The following SLC41A2 variants were observed in gnomAD, a reference collection of about 807,000 sequenced individuals.
SLC41A2 encodes solute carrier family 41 member 2, also known as SLC41A1-like 1.
A neutral mutation model predicts 58.3 loss-of-function variants in SLC41A2; 32 were observed. That is an observed-to-expected ratio of 0.55 (90% CI 0.41 to 0.74). The LOEUF (loss-of-function observed/expected upper bound fraction) is 0.74, where lower values mean the gene tolerates loss of function less well. Ranked by LOEUF, SLC41A2 falls within the 30% of genes least tolerant of loss-of-function variation. SLC41A2 has a pLI of 0.00. For missense variants in SLC41A2, 514 were observed against 680.6 expected (o/e 0.76, Z 2.72); for synonymous variants, 190 against 235.0 (o/e 0.81, Z 1.75).
chr12:104,851,443 G>A (rs2042794817), intron 8 of SLC41A2, among the ~76,000 whole-genome samples: 1 of 152,006 alleles, frequency 6.6e-6, no homozygotes, highest in Non-Finnish European at 1.5e-5. Context: ...GAGTGCAGTT[G>A]CGTCATTGTG....
At chr12:104,831,355 G>A (rs2042029401) in intron 10 of SLC41A2, among the ~76,000 whole-genome samples, 2 of 152,076 alleles carry the variant, frequency 1.3e-5, no homozygotes, top group Non-Finnish European at 2.9e-5. Context: ...GGGATTACAG[G>A]CATGAGCCAC....
chr12:104,840,753 A>T (rs2042382281), intron 10 of SLC41A2, among the ~76,000 whole-genome samples: 1 of 152,194 alleles, frequency 6.6e-6, no homozygotes, highest in South Asian at 2.1e-4. Context: ...CACATAACAA[A>T]TACCACCAAA....
intron 8 of SLC41A2, among the ~76,000 whole-genome samples, chr12:104,856,563 T>C (rs2043026729): frequency 6.6e-6 from 1 of 151,978 alleles, no homozygotes; most frequent in Non-Finnish European, 1.5e-5. Context: ...ATAAAAAACT[T>C]GTGCACATTT....
intron 6 of SLC41A2, among the ~76,000 whole-genome samples, chr12:104,878,566 G>A (rs1002438882): frequency 6.6e-6 from 1 of 151,280 alleles, no homozygotes; most frequent in East Asian, 2.0e-4. Flanking sequence ...TGCAGTGTTT[G>A]GTTTTCTGTC....
At chr12:104,897,912 T>C (rs942460210) in intron 3 of SLC41A2, among the ~76,000 whole-genome samples, 5 of 152,182 alleles carry the variant, frequency 3.3e-5, no homozygotes, top group African/African-American at 4.8e-5. Context: ...ATATGAGCCA[T>C]CTAAGTTTTT....
intron 10 of SLC41A2, among the ~76,000 whole-genome samples, chr12:104,822,170 A>C (rs2041664594): frequency 6.6e-6 from 1 of 152,238 alleles, no homozygotes; most frequent in Non-Finnish European, 1.5e-5. Flanking sequence ...ATATATAAAT[A>C]ACTAAAATAA....
intron 10 of SLC41A2, among the ~76,000 whole-genome samples, chr12:104,824,908 G>A (rs560444753): frequency 6.6e-6 from 1 of 152,142 alleles, no homozygotes; most frequent in Non-Finnish European, 1.5e-5. Context: ...TGAAACTGTC[G>A]GGTCTGCCTC....
intron 10 of SLC41A2, chr12:104,834,134 T>G (rs2042131364): frequency 1.0e-6 from 1 of 983,482 alleles, no homozygotes; most frequent in Non-Finnish European, 1.2e-6. Context: ...AAGCAGACAG[T>G]CATTTCATCT....
intron 6 of SLC41A2, among the ~76,000 whole-genome samples, chr12:104,878,478 A>T (rs541805689): frequency 1.3e-4 from 12 of 92,048 alleles, no homozygotes; most frequent in Non-Finnish European, 2.2e-4. Flanking sequence ...CCACCCCACC[A>T]CAGGCCCTGG....
At chr12:104,902,838 C>T (rs544488879) in intron 3 of SLC41A2, among the ~76,000 whole-genome samples, 3 of 152,150 alleles carry the variant, frequency 2.0e-5, no homozygotes, top group South Asian at 2.1e-4. Flanking sequence ...CTTAACAGCC[C>T]GTAGAGTATC....
chr12:104,895,266 C>T lies in SLC41A2; in HGVS notation c.735+8G>A, dbSNP rs2045224081. ...CAAGATCTGTAAACAAATATGTGTA[C>T]CACTTACCTGCTTTAAAGCCAAGTT... On this transcript the variant is annotated splice_region_variant and intron_variant, in intron 4 of 10. Transcript: ENST00000258538. 5.0e-6 allele frequency: 8 copies of T among 1,606,992 alleles called. No individual in the cohort carries two copies. The highest frequency in any genetic ancestry group is 6.8e-6 in the Non-Finnish European group (8 of 1,173,922).
chr12:104,831,507 T>C (rs1592956182), intron 10 of SLC41A2, among the ~76,000 whole-genome samples: 1 of 152,328 alleles, frequency 6.6e-6, no homozygotes, highest in South Asian at 2.1e-4. Context: ...AATACCATAT[T>C]TTTACTGCAC....
At chr12:104,910,397 T>A (rs759274855) in intron 2 of SLC41A2, among the ~76,000 whole-genome samples, 44 of 152,192 alleles carry the variant, frequency 2.9e-4, no homozygotes, top group Non-Finnish European at 6.2e-4. Context: ...CTTGGCTTCA[T>A]GATCCTGGAT....
chr12:104,907,588 T>C (rs968995935), intron 3 of SLC41A2, among the ~76,000 whole-genome samples: 1 of 152,188 alleles, frequency 6.6e-6, no homozygotes, highest in African/African-American at 2.4e-5. Flanking sequence ...ACAAAGTACA[T>C]GGGGAAGCTA....
intron 1 of SLC41A2, among the ~76,000 whole-genome samples, chr12:104,947,193 TCC>T (rs377222902): frequency 4.5e-5 from 5 of 112,004 alleles, no homozygotes; most frequent in East Asian, 3.4e-4. Context: ...TTTATTTTTG[TCC>T]TTTTTTTTTT....
At chr12:104,857,965 C>T (rs1232740411) in intron 8 of SLC41A2, among the ~76,000 whole-genome samples, 3 of 151,802 alleles carry the variant, frequency 2.0e-5, no homozygotes, top group Non-Finnish European at 2.9e-5. Context: ...CAAACCTGCA[C>T]GTTGTGCACA....
At chr12:104,922,264 T>C (rs1418561920) in intron 2 of SLC41A2, among the ~76,000 whole-genome samples, 1 of 152,142 alleles carries the variant, frequency 6.6e-6, no homozygotes, top group Non-Finnish European at 1.5e-5. Context: ...GGTTTCTGCC[T>C]ACAAGAAACC....
chr12:104,952,359 G>C (rs1004397771), intron 1 of SLC41A2, among the ~76,000 whole-genome samples: 1 of 152,144 alleles, frequency 6.6e-6, no homozygotes, highest in Admixed American at 6.6e-5. Flanking sequence ...GTACTTAGGC[G>C]AACGAATCTT....
At chr12:104,955,635 C>CA (rs141747989) in intron 1 of SLC41A2, among the ~76,000 whole-genome samples, 1 of 151,858 alleles carries the variant, frequency 6.6e-6, no homozygotes, top group East Asian at 1.9e-4. Context: ...CCTGAATAGA[C>CA]TTTTTTTTAC....
Sources: gnomAD v4.1 joint callset for allele counts (sites outside exome capture counted in the v4.1 genomes callset) on GRCh38, gnomAD v4.1.1 for gene constraint, MANE v1.5 for transcripts, NCBI Gene and HGNC (gene_info 2026-07-23, HGNC 2026-07-21) for gene names.